The following NBAS variants were observed in gnomAD, a reference collection of about 807,000 sequenced individuals.
NBAS encodes NBAS subunit of NRZ tethering complex.
NBAS carries 219 observed loss-of-function variants against 302.5 expected under a neutral mutation model. That is an observed-to-expected ratio of 0.72 (90% CI 0.65 to 0.81). The LOEUF (loss-of-function observed/expected upper bound fraction) is 0.81. NBAS is among the 30% of genes least tolerant of loss of function. NBAS has a pLI of 0.00. For missense variants in NBAS, 2,932 were observed against 2,841.6 expected (o/e 1.03, Z -0.72); for synonymous variants, 1,118 against 1,021.6 (o/e 1.09, Z -1.80).
the NBAS span, among the ~76,000 whole-genome samples, chr2:14,977,266 G>A: frequency 1.3e-5 from 2 of 152,138 alleles, no homozygotes; most frequent in Non-Finnish European, 2.9e-5. Context: ...GGACTTTACA[G>A]ACAAGACTAT....
At chr2:14,802,590 G>A in the NBAS span, among the ~76,000 whole-genome samples, 2 of 151,696 alleles carry the variant, frequency 1.3e-5, no homozygotes, top group East Asian at 1.9e-4. Flanking sequence ...ACATGCACAC[G>A]TATGTTTATT....
intron 36 of NBAS, among the ~76,000 whole-genome samples, chr2:15,330,195 C>T (rs1672259062): frequency 6.6e-6 from 1 of 152,166 alleles, no homozygotes; most frequent in South Asian, 2.1e-4. Context: ...TACTGCCTGC[C>T]CTGACTGACT....
chr2:15,537,339 T>C (rs1663567785), intron 7 of NBAS, among the ~76,000 whole-genome samples: 1 of 152,250 alleles, frequency 6.6e-6, no homozygotes, highest in Non-Finnish European at 1.5e-5. Flanking sequence ...TGAGTCTGTG[T>C]AAACAGACCT....
chr2:15,072,783 A>G, the NBAS span, among the ~76,000 whole-genome samples: 4 of 152,218 alleles, frequency 2.6e-5, no homozygotes, highest in Non-Finnish European at 5.9e-5. Context: ...TACTCAGTAG[A>G]ACTTTTAAAT....
the NBAS span, among the ~76,000 whole-genome samples, chr2:14,858,036 A>G: frequency 6.6e-6 from 1 of 152,308 alleles, no homozygotes; most frequent in East Asian, 1.9e-4. Flanking sequence ...TCATTTCTCA[A>G]AAGAAGACAT....
At chr2:14,813,110 T>C in the NBAS span, among the ~76,000 whole-genome samples, 3 of 152,200 alleles carry the variant, frequency 2.0e-5, no homozygotes, top group African/African-American at 7.2e-5. Context: ...GTGAGTCAAT[T>C]AAACCTCTTC....
chr2:15,441,463 T>C (rs1678399928), intron 21 of NBAS, among the ~76,000 whole-genome samples: 1 of 149,498 alleles, frequency 6.7e-6, no homozygotes, highest in South Asian at 2.1e-4. Context: ...TGCTGAGAGA[T>C]TTTGTCACCA....
the NBAS span, among the ~76,000 whole-genome samples, chr2:14,941,647 T>C: frequency 6.7e-6 from 1 of 150,026 alleles, no homozygotes; most frequent in African/African-American, 2.5e-5. Context: ...TGTCACCCGC[T>C]CCCACAGAGG....
chr2:15,429,362 T>C (rs1219875777), intron 21 of NBAS, among the ~76,000 whole-genome samples: 1 of 152,244 alleles, frequency 6.6e-6, no homozygotes, highest in Non-Finnish European at 1.5e-5. Context: ...TATTTCTGAG[T>C]ATCAATAGTA....
chr2:15,464,424 C>A (rs184456382), intron 19 of NBAS, among the ~76,000 whole-genome samples: 14 of 152,230 alleles, frequency 9.2e-5, no homozygotes, highest in African/African-American at 3.4e-4. Context: ...CCAGTTACAG[C>A]AGAAAGAAAC....
At chr2:15,423,792 C>CT (rs1242300382) in intron 23 of NBAS, among the ~76,000 whole-genome samples, 1 of 152,240 alleles carries the variant, frequency 6.6e-6, no homozygotes, top group East Asian at 1.9e-4. Context: ...TTCAGATACT[C>CT]TAAGGTTCAG....
At chr2:15,322,465 C>T (rs543999891) in intron 38 of NBAS, among the ~76,000 whole-genome samples, 7 of 152,040 alleles carry the variant, frequency 4.6e-5, no homozygotes, top group African/African-American at 1.4e-4. Context: ...TAATTCTGTG[C>T]AAAGTAAGTG....
intron 31 of NBAS, among the ~76,000 whole-genome samples, chr2:15,371,413 A>T (rs1674479851): frequency 6.6e-6 from 1 of 152,116 alleles, no homozygotes; most frequent in Non-Finnish European, 1.5e-5. Flanking sequence ...GGAACATAAA[A>T]ATCACTCAAT....
At chr2:14,877,640 T>C in the NBAS span, among the ~76,000 whole-genome samples, 1 of 147,950 alleles carries the variant, frequency 6.8e-6, no homozygotes, top group Admixed American at 6.6e-5. Context: ...GTTTTCAAGA[T>C]TTTTTTAATG....
the NBAS span, among the ~76,000 whole-genome samples, chr2:15,071,257 AT>A: frequency 6.6e-6 from 1 of 152,198 alleles, no homozygotes; most frequent in Non-Finnish European, 1.5e-5. Flanking sequence ...GTCCAGAGAC[AT>A]TTTGTCATCT....
chr2:15,382,133 C>T (rs527472398), intron 29 of NBAS, among the ~76,000 whole-genome samples: 1 of 152,124 alleles, frequency 6.6e-6, no homozygotes, highest in Non-Finnish European at 1.5e-5. Context: ...CTGCCTTTGA[C>T]TTGGAGATTT....
At chr2:14,838,142 C>G in the NBAS span, among the ~76,000 whole-genome samples, 1 of 151,870 alleles carries the variant, frequency 6.6e-6, no homozygotes, top group African/African-American at 2.4e-5. Context: ...TTCTGGAAAA[C>G]TCTCATACAT....
At chr2:14,985,185 G>A in the NBAS span, among the ~76,000 whole-genome samples, 145 of 152,270 alleles carry the variant, frequency 9.5e-4, 2 homozygotes, top group Admixed American at 3.6e-3. Context: ...TTTACACAGG[G>A]AACGCCAGCA....
the NBAS span, among the ~76,000 whole-genome samples, chr2:14,947,935 A>G: frequency 1.3e-5 from 2 of 151,922 alleles, no homozygotes; most frequent in African/African-American, 4.8e-5. Context: ...TGATTTGCAT[A>G]TGTTGAACCA....
Sources: gnomAD v4.1 joint callset for allele counts (sites outside exome capture counted in the v4.1 genomes callset) on GRCh38, gnomAD v4.1.1 for gene constraint, MANE v1.5 for transcripts, NCBI Gene and HGNC (gene_info 2026-07-23, HGNC 2026-07-21) for gene names.